Variants in CSMD3 observed in about 807,000 individuals in gnomAD.
The protein encoded by CSMD3 is CUB and sushi domain-containing protein 3.
A neutral mutation model predicts 435.2 loss-of-function variants in CSMD3; 177 were observed. The observed-to-expected ratio is 0.41, with a 90% CI of 0.36 to 0.46. The LOEUF (loss-of-function observed/expected upper bound fraction) is 0.46, where lower values mean the gene tolerates loss of function less well. Ranked by LOEUF, CSMD3 falls within the 20% of genes least tolerant of loss-of-function variation. The pLI is 0.34. For missense variants in CSMD3, 4,265 were observed against 4,504.6 expected (o/e 0.95, Z 1.52); for synonymous variants, 1,656 against 1,520.5 (o/e 1.09, Z -2.07).
intron 32 of CSMD3, among the ~76,000 whole-genome samples, chr8:112,409,654 A>G (rs1010593789): frequency 2.0e-5 from 3 of 152,058 alleles, no homozygotes; most frequent in Non-Finnish European, 4.4e-5. Flanking sequence ...AGATATCATA[A>G]AATTTTGCAA....
intron 1 of CSMD3, among the ~76,000 whole-genome samples, chr8:113,358,803 T>G (rs983932502): frequency 6.6e-6 from 1 of 151,998 alleles, no homozygotes; most frequent in Non-Finnish European, 1.5e-5. Context: ...GGGGCAGAGA[T>G]AGTCAAAACT....
At chr8:112,885,576 T>G (rs2130260737) in intron 10 of CSMD3, among the ~76,000 whole-genome samples, 1 of 151,832 alleles carries the variant, frequency 6.6e-6, no homozygotes, top group East Asian at 1.9e-4. Context: ...GATATGAGAT[T>G]CAAACCCTCT....
chr8:112,686,314 T>C (rs1214763281), intron 14 of CSMD3, among the ~76,000 whole-genome samples: 3 of 152,296 alleles, frequency 2.0e-5, no homozygotes, highest in Non-Finnish European at 4.4e-5. Flanking sequence ...CACACTAAAA[T>C]GAAGTCTTTC....
intron 13 of CSMD3, among the ~76,000 whole-genome samples, chr8:112,777,064 G>A (rs940717505): frequency 2.6e-5 from 4 of 151,488 alleles, no homozygotes; most frequent in Non-Finnish European, 5.9e-5. Flanking sequence ...CTGTATTTCT[G>A]GAGGGTTATG....
chr8:113,087,598 G>C (rs2089842230), intron 5 of CSMD3, among the ~76,000 whole-genome samples: 1 of 151,998 alleles, frequency 6.6e-6, no homozygotes, highest in Non-Finnish European at 1.5e-5. Flanking sequence ...ACAAAAACAA[G>C]AAATGGGGAA....
At chr8:112,577,744 G>C (rs1202938912) in intron 23 of CSMD3, among the ~76,000 whole-genome samples, 1 of 151,930 alleles carries the variant, frequency 6.6e-6, no homozygotes. Flanking sequence ...ATTAGTTATG[G>C]TGTACAGACT....
intron 3 of CSMD3, among the ~76,000 whole-genome samples, chr8:113,269,934 A>C (rs1376328721): frequency 6.6e-6 from 1 of 151,816 alleles, no homozygotes; most frequent in African/African-American, 2.4e-5. Context: ...CACCAAAAGC[A>C]ATGGCAACAA....
intron 13 of CSMD3, among the ~76,000 whole-genome samples, chr8:112,770,357 T>C (rs2078081987): frequency 6.6e-6 from 1 of 152,022 alleles, no homozygotes; most frequent in South Asian, 2.1e-4. Context: ...AGGAACAGCA[T>C]TCCTCCCCTT....
intron 4 of CSMD3, among the ~76,000 whole-genome samples, chr8:113,130,720 T>C (rs531729097): frequency 4.3e-4 from 66 of 152,114 alleles, no homozygotes; most frequent in South Asian, 1.0e-3. Context: ...TGAACAGACA[T>C]TAGAACAGTT....
chr8:112,769,017 C>A (rs2078048908), intron 13 of CSMD3, among the ~76,000 whole-genome samples: 1 of 151,854 alleles, frequency 6.6e-6, no homozygotes, highest in Admixed American at 6.6e-5. Flanking sequence ...TATAAATGGG[C>A]ATTTCAAAGT....
intron 38 of CSMD3, among the ~76,000 whole-genome samples, chr8:112,368,016 G>T (rs984917983): frequency 6.6e-6 from 1 of 152,088 alleles, no homozygotes; most frequent in African/African-American, 2.4e-5. Context: ...TTGGTTTTTA[G>T]GGAACCTCAA....
At position 112,645,234 on chromosome 8, in the gene CSMD3, C is replaced by T; in HGVS notation, c.3194-9G>A. ...ATCTCCTCCACATAATGCTGAAATA[C>T]AAAGAAACAGATCCATGTGATCAGC... On this transcript the variant is annotated splice_polypyrimidine_tract_variant and intron_variant, in intron 19 of 70. Transcript: ENST00000297405. The T allele has an allele frequency of 7.3e-7, 1 of 1,363,566 alleles. No homozygotes were observed. The highest frequency in any genetic ancestry group is 1.1e-6 in the Non-Finnish European group (1 of 951,584). 84.5% of individuals were successfully genotyped at this position (1,363,566 alleles called of 1,614,324 possible).
intron 1 of CSMD3, among the ~76,000 whole-genome samples, chr8:113,322,060 T>G (rs530823294): frequency 5.9e-5 from 9 of 152,240 alleles, no homozygotes; most frequent in Non-Finnish European, 1.0e-4. Context: ...CATGAAAAAT[T>G]TAATAATTAC....
At chr8:112,563,100 T>G (rs1249733714) in intron 24 of CSMD3, among the ~76,000 whole-genome samples, 1 of 151,470 alleles carries the variant, frequency 6.6e-6, no homozygotes, top group Non-Finnish European at 1.5e-5. Context: ...GCTGCAATAA[T>G]CCTCTGTGAT....
intron 2 of CSMD3, among the ~76,000 whole-genome samples, chr8:113,284,645 A>T (rs1315600367): frequency 6.6e-6 from 1 of 152,142 alleles, no homozygotes; most frequent in East Asian, 1.9e-4. Context: ...AATTTATGGT[A>T]TTTAAATATA....
chr8:112,809,736 G>A (rs1292432719), intron 12 of CSMD3, among the ~76,000 whole-genome samples: 2 of 151,946 alleles, frequency 1.3e-5, no homozygotes, highest in Non-Finnish European at 2.9e-5. Context: ...ATTTTAGGTG[G>A]GTTTCTTTCT....
chr8:113,091,953 C>T (rs191787920), intron 5 of CSMD3, among the ~76,000 whole-genome samples: 49 of 152,066 alleles, frequency 3.2e-4, no homozygotes, highest in African/African-American at 1.1e-3. Context: ...TTCTGTATCA[C>T]ATAGGTTTTG....
chr8:112,399,032 T>A (rs1831092972), intron 35 of CSMD3, among the ~76,000 whole-genome samples: 1 of 151,880 alleles, frequency 6.6e-6, no homozygotes, highest in African/African-American at 2.4e-5. Flanking sequence ...TTCTCCTGCC[T>A]CAGCCTCCTG....
chr8:112,545,805 C>T (rs1827134577), intron 27 of CSMD3, among the ~76,000 whole-genome samples: 1 of 152,082 alleles, frequency 6.6e-6, no homozygotes, highest in African/African-American at 2.4e-5. Context: ...AATAAATACA[C>T]TGTGGCTTAT....
Sources: allele counts gnomAD v4.1 joint callset (sites outside exome capture counted in the v4.1 genomes callset), GRCh38; gene constraint gnomAD v4.1.1; transcripts MANE v1.5; gene names NCBI Gene and HGNC (gene_info 2026-07-23, HGNC 2026-07-21).